NPAS3: variants seen among roughly 807,000 people sequenced by gnomAD.
The protein encoded by NPAS3 is neuronal PAS domain-containing protein 3.
A neutral mutation model predicts 73.1 loss-of-function variants in NPAS3; 14 were observed. The ratio of observed to expected loss-of-function variants is 0.19; its 90% CI spans 0.13 to 0.30. The LOEUF is 0.30. Ranked by LOEUF, NPAS3 falls within the 10% of genes least tolerant of loss-of-function variation. The pLI, the probability that NPAS3 is intolerant of heterozygous loss-of-function variation, is 1.00. For missense variants in NPAS3, 1,096 were observed against 1,250.0 expected (o/e 0.88, Z 1.86); for synonymous variants, 620 against 541.5 (o/e 1.14, Z -2.01).
At chr14:33,438,962 C>G (rs1401876250) in intron 4 of NPAS3, among the ~76,000 whole-genome samples, 1 of 152,072 alleles carries the variant, frequency 6.6e-6, no homozygotes, top group Non-Finnish European at 1.5e-5. Context: ...TTTTCAACAC[C>G]ATGTAGGCCT....
At chr14:33,803,176 T>C (rs912642891), downstream of NPAS3, 2 of 152,198 alleles carry the variant, frequency 1.3e-5, no homozygotes, top group Non-Finnish European at 2.9e-5. Flanking sequence ...TCCTTTCAGG[T>C]TGGCTGATGG....
chr14:33,786,036 C>T lies in NPAS3; in HGVS notation c.1153+7464C>T, dbSNP rs150506047. On this transcript the variant is annotated intron_variant, in intron 9 of 11. Transcript: ENST00000356141. ...GAGAAGCCTCTTGTGTCTCATAGTC[C>T]CGTGTGTCGAGTGACCAAGCCTAAG... 7.0e-3 allele frequency among the ~76,000 whole-genome samples: 1,066 copies of T among 152,244 alleles called. 45 individuals are homozygous for T. Among genetic ancestry groups the T allele is most frequent in the Admixed American group, 0.055 (836 of 15,300 alleles).
chr14:33,372,911 T>A (rs1030854469), intron 4 of NPAS3, among the ~76,000 whole-genome samples: 1 of 152,232 alleles, frequency 6.6e-6, no homozygotes, highest in Non-Finnish European at 1.5e-5. Context: ...TAAGCACAAA[T>A]GTGGTTGCTG....
At chr14:33,143,321 G>A (rs774308528) in intron 2 of NPAS3, among the ~76,000 whole-genome samples, 10 of 151,838 alleles carry the variant, frequency 6.6e-5, no homozygotes, top group South Asian at 2.1e-4. Context: ...GTGAAACCCC[G>A]TTTCTACTAA....
At chr14:33,747,457 C>T (rs1164451760) in intron 7 of NPAS3, among the ~76,000 whole-genome samples, 1 of 152,238 alleles carries the variant, frequency 6.6e-6, no homozygotes, top group Non-Finnish European at 1.5e-5. Flanking sequence ...CCAATTTTAT[C>T]TGTCCCATCC....
intron 4 of NPAS3, among the ~76,000 whole-genome samples, chr14:33,503,159 C>A (rs959400938): frequency 2.6e-5 from 4 of 151,852 alleles, no homozygotes; most frequent in East Asian, 1.9e-4. Context: ...AATGCAAAAA[C>A]CAAAAGTAAT....
intron 1 of NPAS3, among the ~76,000 whole-genome samples, chr14:33,001,487 G>A (rs2038804903): frequency 6.6e-6 from 1 of 152,058 alleles, no homozygotes; most frequent in Non-Finnish European, 1.5e-5. Context: ...GGTGATTTGA[G>A]TCTCCAATTT....
chr14:33,171,906 G>A (rs1392396446), intron 2 of NPAS3, among the ~76,000 whole-genome samples: 6 of 152,122 alleles, frequency 3.9e-5, no homozygotes, highest in Non-Finnish European at 7.4e-5. Flanking sequence ...ATGCCTAGAA[G>A]CCATTGCAGG....
intron 4 of NPAS3, among the ~76,000 whole-genome samples, chr14:33,480,154 C>T (rs995511514): frequency 2.0e-5 from 3 of 152,096 alleles, no homozygotes; most frequent in Admixed American, 6.5e-5. Context: ...TGAGAGATGT[C>T]GCTGGGATAG....
At chr14:33,174,355 G>A (rs1461187977) in intron 2 of NPAS3, among the ~76,000 whole-genome samples, 2 of 152,148 alleles carry the variant, frequency 1.3e-5, no homozygotes, top group South Asian at 2.1e-4. Flanking sequence ...GCCTTGGTAC[G>A]GTTATCACTG....
intron 2 of NPAS3, among the ~76,000 whole-genome samples, chr14:33,145,545 T>G (rs1008189522): frequency 2.0e-5 from 3 of 152,202 alleles, no homozygotes. Flanking sequence ...ACTCAAATGA[T>G]AGATCTACTT....
intron 3 of NPAS3, among the ~76,000 whole-genome samples, chr14:33,337,176 TA>T (rs1343618149): frequency 2.0e-5 from 3 of 152,174 alleles, no homozygotes; most frequent in Admixed American, 2.0e-4. Context: ...AAAACAATTT[TA>T]TGTTTTGTTT....
chr14:33,441,845 C>G (rs1178072019), intron 4 of NPAS3, among the ~76,000 whole-genome samples: 1 of 152,110 alleles, frequency 6.6e-6, no homozygotes, highest in African/African-American at 2.4e-5. Flanking sequence ...GGGAAACTCC[C>G]CTTTATAAAA....
At chr14:33,660,583 T>TA (rs2059277699) in intron 5 of NPAS3, among the ~76,000 whole-genome samples, 1 of 152,266 alleles carries the variant, frequency 6.6e-6, no homozygotes, top group Non-Finnish European at 1.5e-5. Context: ...AAGAGCTATG[T>TA]ATTTATTCTG....
chr14:33,768,779 C>T (rs118105936), intron 7 of NPAS3, among the ~76,000 whole-genome samples: 2,070 of 152,212 alleles, frequency 0.014, 34 homozygotes, highest in Middle Eastern at 0.02. Context: ...TTATTTTTAC[C>T]GCCCCCCACC....
chr14:32,949,276 C>T (rs567162271), intron 1 of NPAS3, among the ~76,000 whole-genome samples: 4 of 152,024 alleles, frequency 2.6e-5, no homozygotes, highest in East Asian at 1.9e-4. Context: ...TTTCAGATCT[C>T]GGTAGTCCTG....
At chr14:33,624,721 G>T (rs1370668756) in intron 5 of NPAS3, among the ~76,000 whole-genome samples, 1 of 152,126 alleles carries the variant, frequency 6.6e-6, no homozygotes, top group Admixed American at 6.6e-5. Context: ...GCTTCAGTTT[G>T]AATGAAAGGA....
intron 1 of NPAS3, among the ~76,000 whole-genome samples, chr14:32,942,572 A>G (rs920048953): frequency 6.6e-6 from 1 of 152,224 alleles, no homozygotes; most frequent in Middle Eastern, 3.2e-3. Flanking sequence ...AAGTTTTTCT[A>G]CTATGTGGAT....
chr14:33,569,831 C>T (rs1026430440), intron 5 of NPAS3, among the ~76,000 whole-genome samples: 4 of 152,100 alleles, frequency 2.6e-5, no homozygotes, highest in African/African-American at 9.7e-5. Flanking sequence ...TTGTACTAAA[C>T]GTTCTTGTCC....
Sources: allele counts gnomAD v4.1 joint callset (sites outside exome capture counted in the v4.1 genomes callset), GRCh38; gene constraint gnomAD v4.1.1; transcripts MANE v1.5; gene names NCBI Gene and HGNC (gene_info 2026-07-23, HGNC 2026-07-21).